Variants in PDE9A observed in about 807,000 individuals in gnomAD.
PDE9A encodes the protein phosphodiesterase 9A, also known as high affinity cGMP-specific 3',5'-cyclic phosphodiesterase 9A.
Under a neutral mutation model 87.4 loss-of-function variants are expected in PDE9A, and 60 were observed. That is an observed-to-expected ratio of 0.69 (90% CI 0.56 to 0.85). The LOEUF (loss-of-function observed/expected upper bound fraction) is 0.85. Ranked by LOEUF, PDE9A falls within the 40% of genes least tolerant of loss-of-function variation. PDE9A has a pLI of 0.00. For synonymous variants in PDE9A, 272 were observed against 279.4 expected (o/e 0.97, Z 0.27); for missense variants, 665 against 779.0 (o/e 0.85, Z 1.74).
At chr21:42,748,631 T>C (rs1214000396) in intron 8 of PDE9A, among the ~76,000 whole-genome samples, 1 of 152,250 alleles carries the variant, frequency 6.6e-6, no homozygotes, top group Non-Finnish European at 1.5e-5. Context: ...CAGCCGGCAA[T>C]GTCCCCCCAG....
chr21:42,769,392 CAA>C (rs1241038812), intron 17 of PDE9A, among the ~76,000 whole-genome samples: 2 of 140,768 alleles, frequency 1.4e-5, no homozygotes, highest in East Asian at 2.1e-4. Context: ...CACAGGCACA[CAA>C]ATGCACACAC....
At chr21:42,676,327 C>T (rs1393099025) in intron 1 of PDE9A, among the ~76,000 whole-genome samples, 1 of 152,040 alleles carries the variant, frequency 6.6e-6, no homozygotes, top group East Asian at 1.9e-4. Context: ...TAGACTCTTA[C>T]ATCCACAACC....
Position 42,720,863 on chromosome 21 carries a change from G to A in PDE9A, c.263-10907G>A, listed in dbSNP as rs113402712. On this transcript the variant is annotated intron_variant, in intron 4 of 19. Coordinates refer to ENST00000291539, the MANE Select transcript of PDE9A (RefSeq NM_002606.3). ...TCTACTAAAAATACAAAATTAGCCC[G>A]GCGTGGTGGTGCATGTCTGTTAACC... Among the ~76,000 whole-genome samples the A allele has an allele frequency of 4.4e-3, 666 of 151,958 alleles. 4 individuals carry two copies. Among genetic ancestry groups the A allele is most frequent in the African/African-American group, 0.015 (623 of 41,438 alleles).
In PDE9A at chr21:42,722,038, C is replaced by T. The variant is rs1003471755; in HGVS notation, c.263-9732C>T. Reference sequence around the variant, plus strand: ...GTCACCAGGCTGGAGTGCAGTGGCACAATCTCAGCTCACTGCAACCTCCGA... The same window carrying T: ...GTCACCAGGCTGGAGTGCAGTGGCATAATCTCAGCTCACTGCAACCTCCGA... On this transcript the variant is annotated intron_variant, in intron 4 of 19. Transcript: ENST00000291539. The surrounding 1 kb of genome is among the most constrained non-coding windows in gnomAD (Gnocchi z 4.1). Among the ~76,000 whole-genome samples, 5 of 151,480 alleles carry T rather than the reference C, an allele frequency of 3.3e-5. No individual in the cohort carries two copies. The highest frequency in any genetic ancestry group is 9.7e-5 in the African/African-American group (4 of 41,144).
chr21:42,714,185 A>G (rs1470045226), intron 4 of PDE9A, among the ~76,000 whole-genome samples: 1 of 151,848 alleles, frequency 6.6e-6, no homozygotes, highest in Non-Finnish European at 1.5e-5. Flanking sequence ...TGCCTGGCTA[A>G]CGTTTGTATT....
chr21:42,661,835 A>G (rs916364451), intron 1 of PDE9A, among the ~76,000 whole-genome samples: 4 of 152,168 alleles, frequency 2.6e-5, no homozygotes, highest in Admixed American at 6.5e-5. Context: ...TCTGTGGTGT[A>G]GCCTGTGTAC....
Position 42,762,214 on chromosome 21 carries a change from C to T in PDE9A, c.1217C>T (p.Pro406Leu), listed in dbSNP as rs776715415. Residue 406 changes from proline (P) to leucine (L), a missense_variant, in exon 14 of 20, where the codon CCT becomes CTT. Pro to Leu is a moderately conservative substitution (Grantham distance 98, BLOSUM62 -3). Transcript: ENST00000291539. ...TGCAACATCTTCTCCAACATCCCAC[C>T]TGATGGGTTCAAGCAGATCCGACAG... ...PECNIFSNIP[P>L]DGFKQIRQGM... 20 of 1,614,122 alleles carry T rather than the reference C, an allele frequency of 1.2e-5. No homozygotes were observed. Among genetic ancestry groups the T allele is most frequent in the Non-Finnish European group, 9.3e-6 (11 of 1,180,000 alleles).
intron 3 of PDE9A, chr21:42,690,073 C>T (rs2059714321): frequency 5.1e-6 from 5 of 984,746 alleles, no homozygotes; most frequent in South Asian, 4.7e-5. Context: ...TGGAGGTAGA[C>T]GCGGGTGAGG....
chr21:42,759,153 G>A lies in PDE9A; in HGVS notation c.897+68G>A. 8.6e-7 allele frequency: 1 copy of A among 1,162,312 alleles called. No individual in the cohort carries two copies. The highest frequency in any genetic ancestry group is 1.3e-6 in the Non-Finnish European group (1 of 774,940). The allele number at this position is 1,162,312 out of a possible 1,614,324, so 72.0% of individuals were successfully genotyped here. On this transcript the variant is annotated intron_variant, in intron 11 of 19. Transcript: ENST00000291539. This position sits in a 1 kb window ranked among gnomAD's most constrained non-coding sequence, Gnocchi z 7.2. ...TTCATCCAGTTCCACAGGAATGGAG[G>A]GAATGGATCACCAGGGCACCTTCCG...
At position 42,751,124 on chromosome 21, in the gene PDE9A, G is replaced by C; in HGVS notation, c.662G>C (p.Cys221Ser). 6.2e-7 allele frequency: 1 copy of C among 1,607,748 alleles called. No individual in the cohort carries two copies. Among genetic ancestry groups the C allele is most frequent in the East Asian group, 2.2e-5 (1 of 44,858 alleles). The change falls in exon 9 of 20, where the codon TGC becomes TCC. Residue 221 changes from cysteine (C) to serine (S), a missense_variant. By Grantham distance (112) the Cys-to-Ser change is moderately radical. Coordinates refer to ENST00000291539, the MANE Select transcript of PDE9A (RefSeq NM_002606.3). Reference protein sequence around the residue: ...ELAARSSRTNCPCKYSFLDNH... With the variant: ...ELAARSSRTNSPCKYSFLDNH... ...CTGCTCCTTCTCTCTAGGACCAACT[G>C]CCCCTGTAAGTACAGTTTTTTGGAT... is the stretch of plus-strand genomic sequence containing the variant.
At chr21:42,732,183 G>T in intron 6 of PDE9A, 59 bp downstream of exon 6, 1 of 1,507,966 alleles carries the variant, frequency 6.6e-7, no homozygotes. Context: ...CTCTAAGAGC[G>T]AGGGCAGGCC....
intron 10 of PDE9A, among the ~76,000 whole-genome samples, chr21:42,756,586 C>A (rs879506210): frequency 5.3e-4 from 68 of 128,886 alleles, no homozygotes; most frequent in Non-Finnish European, 8.6e-4. Flanking sequence ...GCGTGGCCTG[C>A]CTCTATCCTC....
chr21:42,654,310 G>A (rs1326405161), intron 1 of PDE9A, among the ~76,000 whole-genome samples: 2 of 152,062 alleles, frequency 1.3e-5, no homozygotes, highest in Non-Finnish European at 2.9e-5. Context: ...CTGCTCCCCC[G>A]CAGGTGAGTA....
At chr21:42,763,785 A>C (rs7277302) in intron 14 of PDE9A, among the ~76,000 whole-genome samples, 12,717 of 152,278 alleles carry the variant, frequency 0.084, 784 homozygotes, top group African/African-American at 0.18. Flanking sequence ...ACCACCCTCC[A>C]GGCGTGCTGC....
rs367797210 is a variant in PDE9A, at chr21:42,677,735, C to T, written c.70-8457C>T. Among the ~76,000 whole-genome samples, 132 of 152,238 alleles carry T rather than the reference C, an allele frequency of 8.7e-4. 1 individual carries two copies. The highest frequency in any genetic ancestry group is 2.9e-3 in the African/African-American group (121 of 41,538). Reference sequence around the variant, plus strand: ...TTGGCTCACCGCAGTCTCCACATCCCGGGTTCAAGTGATTCTCCTGCCTCG... The same window carrying T: ...TTGGCTCACCGCAGTCTCCACATCCTGGGTTCAAGTGATTCTCCTGCCTCG... On this transcript the variant is annotated intron_variant, in intron 1 of 19. Transcript: ENST00000291539.
intron 1 of PDE9A, among the ~76,000 whole-genome samples, chr21:42,684,437 C>G (rs1439097757): frequency 6.6e-6 from 1 of 152,232 alleles, no homozygotes; most frequent in South Asian, 2.1e-4. Flanking sequence ...ACGGGCATAG[C>G]CTGGGAGGCC....
Position 42,694,898 on chromosome 21 carries a change from C to A in PDE9A, c.219-4070C>A, listed in dbSNP as rs1198044781. On this transcript the variant is annotated intron_variant, in intron 3 of 19. Coordinates refer to ENST00000291539, the MANE Select transcript of PDE9A (RefSeq NM_002606.3). This position sits in a 1 kb window ranked among gnomAD's most constrained non-coding sequence, Gnocchi z 5.3. ...ATGTACTTGTCTCCAATCTGCTGAG[C>A]TGCATGAATGCCCACCCCAGCCCAG... Among the ~76,000 whole-genome samples, 1 of 152,210 alleles carries A rather than the reference C, an allele frequency of 6.6e-6. No homozygotes were observed. Among genetic ancestry groups the A allele is most frequent in the Admixed American group, 6.5e-5 (1 of 15,282 alleles).
rs1201962327 is a variant in PDE9A at position 42,739,935 on chromosome 21, C to G, written c.569-3841C>G. Among the ~76,000 whole-genome samples, 1 of 152,058 alleles carries G rather than the reference C, an allele frequency of 6.6e-6. No homozygotes were observed. Among genetic ancestry groups the G allele is most frequent in the African/African-American group, 2.4e-5 (1 of 41,400 alleles). On this transcript the variant is annotated intron_variant, in intron 7 of 19. Coordinates refer to ENST00000291539, the MANE Select transcript of PDE9A (RefSeq NM_002606.3). The surrounding 1 kb of genome is among the most constrained non-coding windows in gnomAD (Gnocchi z 4.1). Reference sequence around the variant, plus strand: ...TTTCCTCGGGGGATAAAAAGAAAAACGTGAGCTGCGACAGCAGCCACTAAC... The same window carrying G: ...TTTCCTCGGGGGATAAAAAGAAAAAGGTGAGCTGCGACAGCAGCCACTAAC...
chr21:42,693,874 G>A (rs931906545), intron 3 of PDE9A, among the ~76,000 whole-genome samples: 4 of 152,024 alleles, frequency 2.6e-5, no homozygotes, highest in African/African-American at 9.7e-5. Context: ...TTACAGGCGT[G>A]AGCCACCATG....
Sources: allele counts gnomAD v4.1 joint callset (sites outside exome capture counted in the v4.1 genomes callset), GRCh38; gene constraint gnomAD v4.1.1; non-coding constraint Gnocchi (gnomAD v3.1); transcripts MANE v1.5; gene names NCBI Gene and HGNC (gene_info 2026-07-23, HGNC 2026-07-21).